Variants in ATP2B2 observed in about 807,000 individuals in gnomAD.
ATP2B2 encodes the protein ATPase plasma membrane Ca2+ transporting 2.
Under a neutral mutation model 120.0 loss-of-function variants are expected in ATP2B2, and 15 were observed. The ratio of observed to expected loss-of-function variants is 0.12; its 90% confidence interval spans 0.08 to 0.19. The LOEUF (loss-of-function observed/expected upper bound fraction) is 0.19. Among genes scored for constraint, ATP2B2 ranks in the 10% least tolerant of loss-of-function variants. The pLI, the probability that ATP2B2 is intolerant of heterozygous loss-of-function variation, is 1.00. For missense variants in ATP2B2, 1,045 were observed against 1,719.8 expected, an observed-to-expected ratio of 0.61 and a Z score of 6.94; for synonymous variants, 694 against 700.3, an observed-to-expected ratio of 0.99 and a Z score of 0.14.
At chr3:10,345,996 C>T (rs780595656) in intron 17 of ATP2B2, 35 bp downstream of exon 17, 11 of 1,584,524 alleles carry the variant, frequency 6.9e-6, no homozygotes, top group East Asian at 2.3e-5. Context: ...CTCCCCAGCC[C>T]CCACCACCCC....
intron 5 of ATP2B2, among the ~76,000 whole-genome samples, chr3:10,390,954 G>T (rs369912434): frequency 6.6e-6 from 1 of 152,158 alleles, no homozygotes; most frequent in African/African-American, 2.4e-5. Context: ...GCACCAGCTC[G>T]GCTTGTTAGG....
intron 2 of ATP2B2, among the ~76,000 whole-genome samples, chr3:10,601,389 G>A (rs1409723692): frequency 2.0e-5 from 3 of 152,186 alleles, no homozygotes; most frequent in Admixed American, 2.0e-4. Context: ...AACCCCCTGA[G>A]TGGAGGAATA....
intron 3 of ATP2B2, among the ~76,000 whole-genome samples, chr3:10,526,937 A>G (rs2067108505): frequency 6.6e-6 from 1 of 152,216 alleles, no homozygotes; most frequent in Non-Finnish European, 1.5e-5. Context: ...TTATGTGTAC[A>G]GCGTAATTTC....
intron 3 of ATP2B2, among the ~76,000 whole-genome samples, chr3:10,522,675 G>A (rs780073053): frequency 6.6e-6 from 1 of 152,200 alleles, no homozygotes; most frequent in Non-Finnish European, 1.5e-5. Flanking sequence ...CACACCATCC[G>A]TTTGTCTGGG....
At chr3:10,550,358 T>C (rs1388803060) in intron 2 of ATP2B2, among the ~76,000 whole-genome samples, 2 of 152,218 alleles carry the variant, frequency 1.3e-5, no homozygotes, top group Non-Finnish European at 2.9e-5. Flanking sequence ...TGGAATAGTA[T>C]TGGTTTCTTT....
chr3:10,559,610 G>A (rs2067857479), intron 2 of ATP2B2, among the ~76,000 whole-genome samples: 1 of 152,072 alleles, frequency 6.6e-6, no homozygotes, highest in South Asian at 2.1e-4. Context: ...ACAGAGAGAT[G>A]TGCTCAAGGT....
At chr3:10,421,427 T>C (rs1374589160) in intron 2 of ATP2B2, among the ~76,000 whole-genome samples, 1 of 152,090 alleles carries the variant, frequency 6.6e-6, no homozygotes, top group East Asian at 1.9e-4. Context: ...AGGTCATGAG[T>C]GCTGTGGCTG....
chr3:10,346,797 C>T lies in ATP2B2; in HGVS notation c.2405-660G>A, dbSNP rs1223497317. ...TGGGACTCCTCATTCATGGGGCTTG[C>T]GAGCAGGGATGTCCATGGGCACGAC... On this transcript the variant is annotated intron_variant, in intron 16 of 22. Coordinates refer to ENST00000360273, the MANE Select transcript of ATP2B2 (RefSeq NM_001001331.4). The surrounding 1 kb of genome is among the most constrained non-coding windows in gnomAD (Gnocchi z 4.1). 2.0e-5 allele frequency among the ~76,000 whole-genome samples: 3 copies of T among 152,130 alleles called. No homozygotes were observed. The highest frequency in any genetic ancestry group is 1.9e-4 in the East Asian group (1 of 5,198).
At chr3:10,497,580 G>A (rs916445683) in intron 1 of ATP2B2, among the ~76,000 whole-genome samples, 3 of 152,176 alleles carry the variant, frequency 2.0e-5, no homozygotes, top group African/African-American at 7.2e-5. Context: ...ACAATCCTAT[G>A]AATTGGACAC....
chr3:10,636,699 T>C (rs954961684), intron 1 of ATP2B2, among the ~76,000 whole-genome samples: 4 of 152,216 alleles, frequency 2.6e-5, no homozygotes, highest in Non-Finnish European at 5.9e-5. Context: ...AGTCAGTGAT[T>C]GCCCCAAACA....
intron 1 of ATP2B2, among the ~76,000 whole-genome samples, chr3:10,624,337 C>G (rs2069633792): frequency 6.6e-6 from 1 of 152,142 alleles, no homozygotes; most frequent in Non-Finnish European, 1.5e-5. Context: ...TCCTTTATTT[C>G]TGGCCGAGAT....
At chr3:10,412,117 C>T (rs182572722) in intron 2 of ATP2B2, among the ~76,000 whole-genome samples, 276 of 152,368 alleles carry the variant, frequency 1.8e-3, no homozygotes, top group Non-Finnish European at 3.0e-3. Flanking sequence ...AGAGCCAGGC[C>T]AGCACTTTGC....
chr3:10,610,777 T>G (rs1353649879), intron 2 of ATP2B2, among the ~76,000 whole-genome samples: 3 of 152,098 alleles, frequency 2.0e-5, no homozygotes, highest in Non-Finnish European at 2.9e-5. Flanking sequence ...GGGAAGGAAA[T>G]ATCAACACAT....
chr3:10,359,024 GCTGGT>G, intron 13 of ATP2B2, 99 bp from the exon 14 acceptor site: 1 of 1,179,748 alleles, frequency 8.5e-7, no homozygotes, highest in Non-Finnish European at 1.2e-6. Context: ...GCTAGCTGTG[GCTGGT>G]CATCCAGTGC....
chr3:10,337,734 G>C (rs879428832), intron 22 of ATP2B2, among the ~76,000 whole-genome samples: 4 of 152,054 alleles, frequency 2.6e-5, no homozygotes, highest in Non-Finnish European at 5.9e-5. Context: ...AGCCCCCGTG[G>C]AGGCGGCGGA....
At chr3:10,559,656 C>T (rs1339151403) in intron 2 of ATP2B2, among the ~76,000 whole-genome samples, 1 of 152,116 alleles carries the variant, frequency 6.6e-6, no homozygotes, top group Non-Finnish European at 1.5e-5. Context: ...GCCTCCAAGC[C>T]CCCCGACTTC....
intron 2 of ATP2B2, among the ~76,000 whole-genome samples, chr3:10,440,176 G>C (rs2063616449): frequency 7.0e-6 from 1 of 142,004 alleles, no homozygotes; most frequent in South Asian, 2.4e-4. Flanking sequence ...AGAAGCCCCA[G>C]AGTCCCATCC....
intron 5 of ATP2B2, among the ~76,000 whole-genome samples, chr3:10,390,214 T>G (rs1185818011): frequency 2.0e-5 from 3 of 152,168 alleles, no homozygotes; most frequent in Non-Finnish European, 2.9e-5. Flanking sequence ...CTCTTTTCTG[T>G]CCCCTCGAGA....
intron 2 of ATP2B2, among the ~76,000 whole-genome samples, chr3:10,547,658 C>T (rs889256485): frequency 6.6e-6 from 1 of 152,142 alleles, no homozygotes; most frequent in Non-Finnish European, 1.5e-5. Context: ...ACAGCTGGTC[C>T]GTGTCAGGGA....
Sources: gnomAD v4.1 joint callset for allele counts (sites outside exome capture counted in the v4.1 genomes callset) on GRCh38, gnomAD v4.1.1 for gene constraint, Gnocchi (gnomAD v3.1) non-coding constraint, MANE v1.5 for transcripts, NCBI Gene and HGNC (gene_info 2026-07-23, HGNC 2026-07-21) for gene names.